WDR48: variants seen among roughly 807,000 people sequenced by gnomAD.
The protein encoded by WDR48 is WD repeat domain 48, also known as WD repeat-containing protein 48.
In WDR48, 22 loss-of-function variants were observed where a neutral mutation model predicts 94.0. The ratio of observed to expected loss-of-function variants is 0.23; its 90% CI spans 0.17 to 0.33. The LOEUF (loss-of-function observed/expected upper bound fraction) is 0.33. Ranked by LOEUF, WDR48 falls within the 10% of genes least tolerant of loss-of-function variation. The pLI is 1.00. For synonymous variants in WDR48, 278 were observed against 280.5 expected (o/e 0.99, Z 0.09); for missense variants, 541 against 813.8 (o/e 0.66, Z 4.08).
intron 7 of WDR48, among the ~76,000 whole-genome samples, chr3:39,070,455 G>T (rs977411218): frequency 2.6e-5 from 4 of 152,168 alleles, no homozygotes; most frequent in African/African-American, 9.7e-5. Flanking sequence ...GTAGAAAGAT[G>T]ATGAGGTGAG....
intron 17 of WDR48, 146 bp from the exon 18 acceptor site, chr3:39,093,728 C>A: frequency 1.1e-6 from 1 of 876,612 alleles, no homozygotes; most frequent in Non-Finnish European, 1.6e-6. Flanking sequence ...CTTTCCGCAG[C>A]TCTAAAAATG....
chr3:39,052,386 C>T, intron 1 of WDR48: 1 of 337,752 alleles, frequency 3.0e-6, no homozygotes, highest in South Asian at 3.0e-5. Flanking sequence ...GCCCACTTGC[C>T]TCCCCCTTGC....
At chr3:39,083,932 A>G (rs1268357459) in intron 11 of WDR48, among the ~76,000 whole-genome samples, 1 of 152,236 alleles carries the variant, frequency 6.6e-6, no homozygotes, top group East Asian at 1.9e-4. Context: ...TATCAGCACA[A>G]TTAAATACAG....
At chr3:39,093,060 G>T (rs1293574700) in intron 17 of WDR48, among the ~76,000 whole-genome samples, 1 of 152,148 alleles carries the variant, frequency 6.6e-6, no homozygotes, top group African/African-American at 2.4e-5. Context: ...TCTAGTTTGG[G>T]ACATACAGAG....
chr3:39,053,582 A>G (rs1347513896), intron 1 of WDR48, among the ~76,000 whole-genome samples: 1 of 152,174 alleles, frequency 6.6e-6, no homozygotes, highest in Non-Finnish European at 1.5e-5. Flanking sequence ...CGATTGTATT[A>G]TAGACTCTAT....
chr3:39,069,617 G>C (rs2033812936), intron 6 of WDR48, 26 bp from the exon 7 acceptor site: 1 of 1,562,276 alleles, frequency 6.4e-7, no homozygotes, highest in Non-Finnish European at 8.8e-7. Flanking sequence ...TATTTAGTTT[G>C]TGTAATACTC....
At chr3:39,093,749 A>G in intron 17 of WDR48, 125 bp from the exon 18 acceptor site, 1 of 1,114,116 alleles carries the variant, frequency 9.0e-7, no homozygotes, top group Non-Finnish European at 1.2e-6. Flanking sequence ...GATTAAGGTA[A>G]TGACTAAAAA....
chr3:39,079,711 G>C lies in WDR48; in HGVS notation c.1076G>C (p.Gly359Ala). ...LCTQPDQVIK[G>A]GASIIQCHIL... ...CAATTGTGTTTTTTTTTCCCATTAG[G>C]GGGTGCTAGTATTATTCAGTGCCAC... Residue 359 changes from glycine to alanine, a missense_variant and splice_region_variant, in exon 11 of 19, where the codon GGG becomes GCG. By Grantham distance (60) the Gly-to-Ala change is moderately conservative (BLOSUM62 0). This residue lies in a region of WDR48 where 238 missense variants were observed against 285.3 expected (regional missense o/e 0.83). Coordinates refer to ENST00000302313, the MANE Select transcript of WDR48 (RefSeq NM_020839.4). The C allele has an allele frequency of 6.5e-7, 1 of 1,535,942 alleles. No homozygotes were observed. Among genetic ancestry groups the C allele is most frequent in the Admixed American group, 2.4e-5 (1 of 40,970 alleles).
intron 11 of WDR48, among the ~76,000 whole-genome samples, chr3:39,083,908 GTA>G (rs1251536365): frequency 6.6e-6 from 1 of 152,152 alleles, no homozygotes; most frequent in Non-Finnish European, 1.5e-5. Context: ...AGATGAGGTG[GTA>G]TATTATATCA....
chr3:39,061,335 T>G (rs1559598761), intron 1 of WDR48, among the ~76,000 whole-genome samples: 1 of 146,940 alleles, frequency 6.8e-6, no homozygotes, highest in Non-Finnish European at 1.5e-5. Context: ...CACTTACGAG[T>G]GAGAACATGT....
intron 8 of WDR48, among the ~76,000 whole-genome samples, chr3:39,075,420 T>A (rs180721890): frequency 2.0e-5 from 3 of 152,240 alleles, no homozygotes; most frequent in East Asian, 3.9e-4. Context: ...TCAGGAAATG[T>A]GTCCATGGTT....
chr3:39,062,954 A>G (rs564515364), intron 1 of WDR48, 96 bp from the exon 2 acceptor site: 10 of 1,463,668 alleles, frequency 6.8e-6, no homozygotes, highest in Admixed American at 2.2e-5. Flanking sequence ...ATTGGAAAAC[A>G]TGGGATTTTC....
chr3:39,074,891 G>A lies in WDR48; in HGVS notation c.838G>A (p.Asp280Asn). Residue 280 changes from aspartate to asparagine, a missense_variant, in exon 8 of 19, where the codon GAC becomes AAC. Around this residue, in one of 5 missense-constraint regions of WDR48, gnomAD observed 238 missense variants for 285.3 expected, o/e 0.83. Transcript: ENST00000302313. ...GGRDRKIYCTDLRNPDIRVLI... is the reference protein window; with the variant it reads ...GGRDRKIYCTNLRNPDIRVLI... ...AAGGGACAGGAAGATTTATTGTACA[G>A]ACCTAAGAAACCCTGACATTCGGGT... 1.2e-6 allele frequency: 2 copies of A among 1,614,212 alleles called. No homozygotes were observed. The highest frequency in any genetic ancestry group is 1.7e-6 in the Non-Finnish European group (2 of 1,180,048).
At chr3:39,092,728 A>C (rs2035144720) in intron 17 of WDR48, among the ~76,000 whole-genome samples, 1 of 152,156 alleles carries the variant, frequency 6.6e-6, no homozygotes, top group Non-Finnish European at 1.5e-5. Flanking sequence ...AAATTTTTAA[A>C]CCTTTTTATT....
In WDR48 at chr3:39,094,974, C is replaced by G; in HGVS notation, c.*231C>G. Reference sequence around the variant, plus strand: ...AGCAGAGTGCAAGAGCAGAAGAGCCCCAAGCAGACTATGTCTTTCAAGATG... The same window carrying G: ...AGCAGAGTGCAAGAGCAGAAGAGCCGCAAGCAGACTATGTCTTTCAAGATG... On this transcript the variant is annotated 3_prime_UTR_variant, in exon 19 of 19. Coordinates refer to ENST00000302313, the MANE Select transcript of WDR48 (RefSeq NM_020839.4). The G allele has an allele frequency of 1.7e-6, 1 of 572,376 alleles. No homozygotes were observed. Among genetic ancestry groups the G allele is most frequent in the South Asian group, 2.3e-5 (1 of 42,736 alleles). The allele number at this position is 572,376 out of a possible 1,614,324, so 35.5% of individuals were successfully genotyped here. A position where few individuals can be genotyped will look rare whatever the true frequency, so the allele number is the denominator to read the frequency against.
At position 39,091,021 on chromosome 3, in the gene WDR48, G is replaced by A. The variant is rs1204109395; in HGVS notation, c.1669-604G>A. The A allele has an allele frequency of 3.9e-5, 6 of 152,176 alleles. No individual in the cohort carries two copies. The East Asian group carries it at 1.2e-3, about 29-fold the overall frequency. The allele number at this position is 152,176 out of a possible 1,614,324, so 9.4% of individuals were successfully genotyped here. A position where few individuals can be genotyped will look rare whatever the true frequency, so the allele number is the denominator to read the frequency against. ...CAGGATGTGACATGAAGGCTTGGAG[G>A]GGATTAATACCCTGAGAAAAGATGA... On this transcript the variant is annotated intron_variant, in intron 16 of 18. Coordinates refer to ENST00000302313, the MANE Select transcript of WDR48 (RefSeq NM_020839.4).
chr3:39,084,516 C>T (rs1214089343), intron 12 of WDR48, 129 bp from the exon 13 acceptor site: 2 of 773,506 alleles, frequency 2.6e-6, no homozygotes, highest in African/African-American at 3.6e-5. Flanking sequence ...TTGAATCACA[C>T]AAAACACATT....
chr3:39,052,130 C>G, intron 1 of WDR48, 57 bp downstream of exon 1: 1 of 1,605,230 alleles, frequency 6.2e-7, no homozygotes, highest in Non-Finnish European at 8.5e-7. Flanking sequence ...CGGGCCCACT[C>G]CAGCTAGAAG....
chr3:39,063,863 A>G (rs1036108052), intron 2 of WDR48, among the ~76,000 whole-genome samples: 2 of 152,132 alleles, frequency 1.3e-5, no homozygotes, highest in Non-Finnish European at 2.9e-5. Flanking sequence ...TGGGAGGATC[A>G]CTTGATTGAG....
Sources: gnomAD v4.1 joint callset for allele counts (sites outside exome capture counted in the v4.1 genomes callset) on GRCh38, gnomAD v4.1.1 for gene constraint, gnomAD v4.1.1 regional missense constraint, MANE v1.5 for transcripts, NCBI Gene and HGNC (gene_info 2026-07-23, HGNC 2026-07-21) for gene names.